The following JAKMIP3 variants were observed in gnomAD, a reference collection of about 807,000 sequenced individuals.
JAKMIP3 encodes the protein Janus kinase and microtubule interacting protein 3, also known as janus kinase and microtubule-interacting protein 3.
A neutral mutation model predicts 118.5 loss-of-function variants in JAKMIP3; 58 were observed. That is an observed-to-expected ratio of 0.49 (90% CI 0.40 to 0.61). The LOEUF is 0.61. Ranked by LOEUF, JAKMIP3 falls within the 20% of genes least tolerant of loss-of-function variation. The pLI is 0.00. For missense variants in JAKMIP3, 950 were observed against 1,109.0 expected, an observed-to-expected ratio of 0.86 and a Z score of 2.04; for synonymous variants, 486 against 451.2, an observed-to-expected ratio of 1.08 and a Z score of -0.98.
chr10:132,039,977 A>G (rs1459366023), intron 1 of JAKMIP3, among the ~76,000 whole-genome samples: 7 of 152,268 alleles, frequency 4.6e-5, no homozygotes, highest in African/African-American at 1.4e-4. Flanking sequence ...CTAAAATTTC[A>G]GAAGGCTGGG....
chr10:132,090,135 A>C (rs1181037868), intron 1 of JAKMIP3, among the ~76,000 whole-genome samples: 1 of 152,188 alleles, frequency 6.6e-6, no homozygotes, highest in Non-Finnish European at 1.5e-5. Context: ...GGATTTTTGC[A>C]TCAATGTTCG....
At chr10:132,073,088 T>C (rs1462941745) in intron 1 of JAKMIP3, among the ~76,000 whole-genome samples, 3 of 152,282 alleles carry the variant, frequency 2.0e-5, no homozygotes, top group African/African-American at 7.2e-5. Context: ...GATTTCATTC[T>C]TTTTTGTGGT....
rs781375095 is a variant in JAKMIP3, at chr10:132,104,977, C to T, written c.135+34C>T. 5.1e-6 allele frequency: 8 copies of T among 1,564,612 alleles called. No individual in the cohort carries two copies. The South Asian group carries it at 5.9e-5, about 12-fold the overall frequency. On this transcript the variant is annotated intron_variant, in intron 2 of 23. Coordinates refer to ENST00000684848, the MANE Select transcript of JAKMIP3 (RefSeq NM_001323087.2). ...TCCCCAGACCTCCACCCTTGAATGT[C>T]CCTCCCTCCTGCCTCCCCTGGGGCC...
intron 9 of JAKMIP3, among the ~76,000 whole-genome samples, chr10:132,138,830 C>T (rs1431418974): frequency 2.6e-5 from 4 of 152,202 alleles, no homozygotes; most frequent in Admixed American, 6.5e-5. Context: ...CCACACACCC[C>T]ACGCTCGCCT....
At chr10:132,103,915 A>T (rs942117924) in intron 1 of JAKMIP3, among the ~76,000 whole-genome samples, 1 of 152,132 alleles carries the variant, frequency 6.6e-6, no homozygotes, top group African/African-American at 2.4e-5. Context: ...GGCACCCACC[A>T]TTCTACTTAG....
chr10:132,174,431 C>G (rs1231155602), intron 23 of JAKMIP3, among the ~76,000 whole-genome samples: 1 of 151,818 alleles, frequency 6.6e-6, no homozygotes, highest in African/African-American at 2.4e-5. Context: ...GCTCAGTGGG[C>G]TCCGTGGGCT....
In JAKMIP3 at chr10:132,128,786, A is replaced by C. The variant is rs114291621; in HGVS notation, c.634-4526A>C. 7.5e-3 allele frequency among the ~76,000 whole-genome samples: 1,141 copies of C among 152,186 alleles called. 6 individuals are homozygous for C. Among genetic ancestry groups the C allele is most frequent in the African/African-American group, 0.025 (1,055 of 41,512 alleles). On this transcript the variant is annotated intron_variant, in intron 3 of 23. Transcript: ENST00000684848. The stretch of plus-strand genomic sequence containing the variant: ...TCATTTGAATTACTGCATTTTATTC[A>C]TTTTCTATCTCTATTAGAAAAATAT...
chr10:132,128,324 T>A (rs1387519327), intron 3 of JAKMIP3, among the ~76,000 whole-genome samples: 1 of 152,250 alleles, frequency 6.6e-6, no homozygotes, highest in Non-Finnish European at 1.5e-5. Context: ...TCCTGTCTAC[T>A]TTTAAGATAT....
rs1364423062 is a variant in JAKMIP3, at chr10:132,181,293, C to T, written c.*1104-1064C>T. On this transcript the variant is annotated intron_variant, in intron 23 of 23. Transcript: ENST00000684848. ...TTCAGCATCATATTTTCAACAAGAC[C>T]TCTGTTCTCTATTTGCATGTGCCTA... 8 of 152,164 alleles carry T rather than the reference C, an allele frequency of 5.3e-5. No individual in the cohort carries two copies. The East Asian group carries it at 1.5e-3, about 29-fold the overall frequency. The allele number at this position is 152,164 out of a possible 1,614,324, so 9.4% of individuals were successfully genotyped here.
intron 5 of JAKMIP3, among the ~76,000 whole-genome samples, chr10:132,135,574 C>G (rs896274234): frequency 6.6e-6 from 1 of 152,240 alleles, no homozygotes; most frequent in African/African-American, 2.4e-5. Context: ...CACAGCCCTT[C>G]TTGGCAAGAC....
At position 132,104,774 on chromosome 10, in the gene JAKMIP3, AC is replaced by A. The variant is rs2045646900; in HGVS notation, c.-31del. On this transcript the variant is annotated 5_prime_UTR_variant, in exon 2 of 24. Coordinates refer to ENST00000684848, the MANE Select transcript of JAKMIP3 (RefSeq NM_001323087.2). ...CAGCCCAGCCCAGCCGGAGCACCCTACCCCTGGGCATCCCCCTGGCCATCCA... is the reference window on the plus strand; with the variant it reads ...CAGCCCAGCCCAGCCGGAGCACCCTACCCTGGGCATCCCCCTGGCCATCCA... 1 of 1,543,956 alleles carries A rather than the reference AC, an allele frequency of 6.5e-7. No individual in the cohort carries two copies.
intron 1 of JAKMIP3, among the ~76,000 whole-genome samples, chr10:132,038,919 G>T (rs952582730): frequency 3.9e-5 from 6 of 152,166 alleles, no homozygotes; most frequent in African/African-American, 1.4e-4. Context: ...GGGCTGCAGG[G>T]GCTCAGGAGA....
intron 23 of JAKMIP3, among the ~76,000 whole-genome samples, chr10:132,171,140 G>A (rs1348896972): frequency 2.6e-5 from 4 of 152,236 alleles, no homozygotes; most frequent in African/African-American, 4.8e-5. Flanking sequence ...GGGAGGTTAC[G>A]GAGCGGGGAC....
In JAKMIP3 at chr10:132,167,037, G is replaced by C; in HGVS notation, c.*4G>C. On this transcript the variant is annotated 3_prime_UTR_variant, in exon 22 of 24. Transcript: ENST00000684848. ...AGCTTTCATTCTCTGGTCATAGTCC[G>C]TCTTGGCACCCTGACGTGGTGAGTA... 6.5e-7 allele frequency: 1 copy of C among 1,549,156 alleles called. No individual in the cohort carries two copies. The highest frequency in any genetic ancestry group is 2.4e-5 in the East Asian group (1 of 40,892).
At chr10:132,071,138 T>G (rs1270969983) in intron 1 of JAKMIP3, among the ~76,000 whole-genome samples, 1 of 150,370 alleles carries the variant, frequency 6.7e-6, no homozygotes, top group African/African-American at 2.5e-5. Flanking sequence ...TGATTTCTTC[T>G]TTCACCTATG....
intron 19 of JAKMIP3, among the ~76,000 whole-genome samples, chr10:132,159,647 C>CGT (rs1564981794): frequency 2.4e-5 from 1 of 41,994 alleles, no homozygotes; most frequent in Non-Finnish European, 4.9e-5. Context: ...TGCTGGGGGG[C>CGT]CTCTCCCTGT....
At chr10:132,096,728 A>G (rs1036077708) in intron 1 of JAKMIP3, among the ~76,000 whole-genome samples, 1 of 151,992 alleles carries the variant, frequency 6.6e-6, no homozygotes, top group African/African-American at 2.4e-5. Flanking sequence ...TACAATCAAA[A>G]CCCTGGACAT....
rs760745709 is a variant in JAKMIP3 at position 132,108,818 on chromosome 10, CAT to C, written c.135+3877_135+3878del. ...AGGAATTCGAGACCAGCCTGGGCAA[CAT>C]AGCAAAACCTGGTCTCCACCAAAAA... On this transcript the variant is annotated intron_variant, in intron 2 of 23. Coordinates refer to ENST00000684848, the MANE Select transcript of JAKMIP3 (RefSeq NM_001323087.2). 6.7e-5 allele frequency among the ~76,000 whole-genome samples: 10 copies of C among 149,410 alleles called. No homozygotes were observed. In the South Asian group the frequency reaches 2.1e-3, roughly 31 times the overall value.
At chr10:132,073,025 A>T (rs1794598551) in intron 1 of JAKMIP3, among the ~76,000 whole-genome samples, 1 of 152,072 alleles carries the variant, frequency 6.6e-6, no homozygotes, top group Non-Finnish European at 1.5e-5. Flanking sequence ...TTTCTGAGTT[A>T]TTTCATTCAG....
Sources: gnomAD v4.1 joint callset for allele counts (sites outside exome capture counted in the v4.1 genomes callset) on GRCh38, gnomAD v4.1.1 for gene constraint, MANE v1.5 for transcripts, NCBI Gene and HGNC (gene_info 2026-07-23, HGNC 2026-07-21) for gene names.